TMEM236: variants seen among roughly 807,000 people sequenced by gnomAD.
TMEM236 encodes the protein transmembrane protein 236, also known as family with sequence similarity 23, member A.
In TMEM236, 11 loss-of-function variants were observed where a neutral mutation model predicts 14.7. The observed-to-expected ratio is 0.75, with a 90% CI of 0.47 to 1.24. TMEM236 has a LOEUF of 1.24. TMEM236 is among the 50% of genes most tolerant of loss of function. The pLI is 0.00. For synonymous variants in TMEM236, 182 were observed against 168.6 expected (o/e 1.08, Z -0.62); for missense variants, 464 against 427.3 (o/e 1.09, Z -0.76).
intron 2 of TMEM236, 125 bp downstream of exon 2, chr10:17,771,506 G>A: frequency 1.1e-6 from 1 of 926,572 alleles, no homozygotes; most frequent in Non-Finnish European, 1.8e-6. Context: ...TCTTCTTCCA[G>A]GTTGCAATAT....
intron 3 of TMEM236, among the ~76,000 whole-genome samples, chr10:17,780,528 A>G (rs1195716058): frequency 1.3e-5 from 2 of 152,186 alleles, no homozygotes; most frequent in African/African-American, 2.4e-5. Flanking sequence ...TAAGGTGATG[A>G]AGGTAAGAGA....
At chr10:17,755,302 A>G (rs1359761846) in intron 1 of TMEM236, among the ~76,000 whole-genome samples, 1 of 152,128 alleles carries the variant, frequency 6.6e-6, no homozygotes, top group Non-Finnish European at 1.5e-5. Flanking sequence ...AAAGTGAGGC[A>G]CTGGGAATTT....
chr10:17,753,982 G>A (rs987448403), intron 1 of TMEM236, among the ~76,000 whole-genome samples: 7 of 152,204 alleles, frequency 4.6e-5, no homozygotes, highest in South Asian at 4.1e-4. Context: ...TTCTGTGAAT[G>A]TATGGATATT....
chr10:17,753,595 T>C lies in TMEM236; in HGVS notation c.257+1043T>C, dbSNP rs1837240653. Among the ~76,000 whole-genome samples, 5 of 152,364 alleles carry C rather than the reference T, an allele frequency of 3.3e-5. No homozygotes were observed. The South Asian group carries it at 1.0e-3, about 32-fold the overall frequency. On this transcript the variant is annotated intron_variant, in intron 1 of 3. Coordinates refer to ENST00000377495, the MANE Select transcript of TMEM236 (RefSeq NM_001098844.3). ...ACATGATCTTGTTCTTTTTCATGAT[T>C]GCATAGCATTCGATAAAGTATATAT...
At chr10:17,765,089 G>A (rs891866526) in intron 1 of TMEM236, among the ~76,000 whole-genome samples, 1 of 151,962 alleles carries the variant, frequency 6.6e-6, no homozygotes, top group Non-Finnish European at 1.5e-5. Flanking sequence ...CAAAGTGCTG[G>A]AATTACAGGC....
intron 1 of TMEM236, among the ~76,000 whole-genome samples, chr10:17,759,107 A>G (rs1004415917): frequency 3.8e-4 from 58 of 152,314 alleles, no homozygotes; most frequent in Middle Eastern, 6.8e-3. Context: ...TTATGGCTCC[A>G]TTCTAGGGAT....
rs1400414538 is a variant in TMEM236 at position 17,799,576 on chromosome 10, C to A, written c.*3072C>A. On this transcript the variant is annotated 3_prime_UTR_variant, in exon 4 of 4. Coordinates refer to ENST00000377495, the MANE Select transcript of TMEM236 (RefSeq NM_001098844.3). ...CGCCATTGCACACCAGCCTGGGTGA[C>A]AAGAGTCTCAAAAAAAAAATTATAA... 1 of 152,094 alleles carries A rather than the reference C, an allele frequency of 6.6e-6. No individual in the cohort carries two copies. Among genetic ancestry groups the A allele is most frequent in the South Asian group, 2.1e-4 (1 of 4,820 alleles). 9.4% of individuals were successfully genotyped at this position (152,094 alleles called of 1,614,324 possible).
rs1262481795 is a variant in TMEM236, at chr10:17,795,798, T to C, written c.473-123T>C. ...AACTTAAAATAAAATTAAATTAAAT[T>C]AAGTGAAAAACAAAAGAATATGGAG... On this transcript the variant is annotated intron_variant, in intron 3 of 3. Coordinates refer to ENST00000377495, the MANE Select transcript of TMEM236 (RefSeq NM_001098844.3). 7.5e-6 allele frequency: 8 copies of C among 1,059,978 alleles called. No homozygotes were observed. The African/African-American group carries it at 1.1e-4, about 15-fold the overall frequency. 65.7% of individuals were successfully genotyped at this position (1,059,978 alleles called of 1,614,324 possible). A position where few individuals can be genotyped will look rare whatever the true frequency, so the allele number is the denominator to read the frequency against.
At chr10:17,775,296 G>T (rs1837641733) in intron 2 of TMEM236, among the ~76,000 whole-genome samples, 1 of 151,970 alleles carries the variant, frequency 6.6e-6, no homozygotes, top group Non-Finnish European at 1.5e-5. Context: ...TTTTTGTGGG[G>T]CAGGGTCTTG....
In TMEM236 at chr10:17,799,979, T is replaced by C. The variant is rs1004152575; in HGVS notation, c.*3475T>C. ...CTGCAAGTCTATGGGATTTAATAGATATTACAGCAAATTACACTGCGAAAA... is the reference window on the plus strand; with the variant it reads ...CTGCAAGTCTATGGGATTTAATAGACATTACAGCAAATTACACTGCGAAAA... On this transcript the variant is annotated 3_prime_UTR_variant, in exon 4 of 4. Transcript: ENST00000377495. The C allele has an allele frequency of 1.3e-5, 2 of 152,576 alleles. No individual in the cohort carries two copies. The highest frequency in any genetic ancestry group is 2.4e-5 in the African/African-American group (1 of 41,438). 9.5% of individuals were successfully genotyped at this position (152,576 alleles called of 1,614,324 possible).
At chr10:17,754,444 C>T (rs2131738037) in intron 1 of TMEM236, among the ~76,000 whole-genome samples, 1 of 152,218 alleles carries the variant, frequency 6.6e-6, no homozygotes, top group Non-Finnish European at 1.5e-5. Flanking sequence ...CCTACCTCGA[C>T]CTCCTGAGTA....
intron 1 of TMEM236, among the ~76,000 whole-genome samples, chr10:17,759,781 C>T (rs1837329223): frequency 1.3e-5 from 2 of 151,878 alleles, no homozygotes; most frequent in East Asian, 1.9e-4. Flanking sequence ...CCCAAGGGGA[C>T]CATCCTGGCT....
intron 3 of TMEM236, among the ~76,000 whole-genome samples, chr10:17,785,501 T>C (rs1429621982): frequency 3.3e-5 from 5 of 151,912 alleles, no homozygotes; most frequent in African/African-American, 1.2e-4. Context: ...ATGTAACTCA[T>C]GACACTTTTA....
intron 3 of TMEM236, among the ~76,000 whole-genome samples, chr10:17,781,041 C>T (rs993062986): frequency 1.3e-5 from 2 of 152,194 alleles, no homozygotes; most frequent in Admixed American, 1.3e-4. Flanking sequence ...GCCTGCTCCT[C>T]ACTGTACATG....
intron 1 of TMEM236, among the ~76,000 whole-genome samples, chr10:17,754,204 C>T (rs1366965322): frequency 2.6e-5 from 4 of 152,154 alleles, no homozygotes; most frequent in South Asian, 2.1e-4. Context: ...TTTAATTTTG[C>T]GTAAAACTGA....
chr10:17,756,542 C>T (rs932785629), intron 1 of TMEM236, among the ~76,000 whole-genome samples: 10 of 152,124 alleles, frequency 6.6e-5, no homozygotes, highest in Admixed American at 1.3e-4. Flanking sequence ...GTGATCTGCC[C>T]GCCTCAGCCT....
At chr10:17,757,854 C>A (rs1038319806) in intron 1 of TMEM236, among the ~76,000 whole-genome samples, 17 of 152,050 alleles carry the variant, frequency 1.1e-4, no homozygotes, top group Non-Finnish European at 2.2e-4. Flanking sequence ...CTGCAACCTC[C>A]ACCTCTGGGG....
chr10:17,766,658 T>C (rs1398832568), intron 1 of TMEM236, among the ~76,000 whole-genome samples: 1 of 152,174 alleles, frequency 6.6e-6, no homozygotes, highest in East Asian at 1.9e-4. Context: ...ACAGCAGCAT[T>C]CCACATTGCA....
rs1404988612 is a variant in TMEM236, at chr10:17,767,239, G to A, written c.258-4070G>A. ...GCACTTTGGGAGGCCGAGGTGGGTG[G>A]ATCTCGAGGTCAGGAGTTCCAGACC... On this transcript the variant is annotated intron_variant, in intron 1 of 3. Coordinates refer to ENST00000377495, the MANE Select transcript of TMEM236 (RefSeq NM_001098844.3). Among the ~76,000 whole-genome samples, 53 of 152,090 alleles carry A rather than the reference G, an allele frequency of 3.5e-4. 1 individual carries two copies. The highest frequency in any genetic ancestry group is 1.5e-4 in the Non-Finnish European group (10 of 68,016).
Sources: allele counts gnomAD v4.1 joint callset (sites outside exome capture counted in the v4.1 genomes callset), GRCh38; gene constraint gnomAD v4.1.1; transcripts MANE v1.5; gene names NCBI Gene and HGNC (gene_info 2026-07-23, HGNC 2026-07-21).